Variants in GAP43 observed in about 807,000 individuals in gnomAD.
GAP43 encodes the protein growth associated protein 43.
In GAP43, 6 loss-of-function variants were observed where a neutral mutation model predicts 18.6. That is an observed-to-expected ratio of 0.32 (90% CI 0.18 to 0.64). GAP43 has a LOEUF of 0.64. Ranked by LOEUF, GAP43 falls within the 30% of genes least tolerant of loss-of-function variation. The pLI is 0.78. For synonymous variants in GAP43, 115 were observed against 111.4 expected (o/e 1.03, Z -0.20); for missense variants, 292 against 295.5 (o/e 0.99, Z 0.09).
chr3:115,648,642 G>T (rs139971882), intron 1 of GAP43, among the ~76,000 whole-genome samples: 7 of 152,182 alleles, frequency 4.6e-5, no homozygotes, highest in African/African-American at 1.4e-4. Context: ...GGAGGCAGAG[G>T]GTACAGGGGG....
chr3:115,696,630 C>G (rs896840077), intron 2 of GAP43, among the ~76,000 whole-genome samples: 18 of 131,282 alleles, frequency 1.4e-4, no homozygotes, highest in Non-Finnish European at 2.5e-4. Flanking sequence ...TTGCAACTTA[C>G]TGTTCCCTCT....
intron 2 of GAP43, among the ~76,000 whole-genome samples, chr3:115,700,845 A>G (rs1709289295): frequency 6.6e-6 from 1 of 152,152 alleles, no homozygotes; most frequent in Non-Finnish European, 1.5e-5. Context: ...ATTACACAGG[A>G]TGCCTCAGGG....
At chr3:115,702,046 A>G (rs920078555) in intron 2 of GAP43, among the ~76,000 whole-genome samples, 3 of 152,130 alleles carry the variant, frequency 2.0e-5, no homozygotes, top group Non-Finnish European at 4.4e-5. Context: ...TGTTAAGGCC[A>G]ATCTGGTTAC....
chr3:115,716,278 T>C (rs1381295988), intron 2 of GAP43, among the ~76,000 whole-genome samples: 2 of 152,198 alleles, frequency 1.3e-5, no homozygotes, highest in Non-Finnish European at 2.9e-5. Flanking sequence ...ATGTTCCCTC[T>C]GATATTCAGG....
intron 1 of GAP43, among the ~76,000 whole-genome samples, chr3:115,661,724 G>A (rs1166213961): frequency 6.6e-6 from 1 of 151,594 alleles, no homozygotes; most frequent in Admixed American, 6.6e-5. Flanking sequence ...TCCTGACCTC[G>A]TGATCCACCC....
intron 2 of GAP43, among the ~76,000 whole-genome samples, chr3:115,712,111 T>G (rs1709447764): frequency 6.6e-6 from 1 of 152,224 alleles, no homozygotes; most frequent in African/African-American, 2.4e-5. Flanking sequence ...AACTTGTACC[T>G]TCTTTGGCTT....
At chr3:115,654,721 G>A (rs1475728554) in intron 1 of GAP43, among the ~76,000 whole-genome samples, 1 of 152,268 alleles carries the variant, frequency 6.6e-6, no homozygotes, top group Admixed American at 6.5e-5. Context: ...CCCCTTCAGA[G>A]GGTCATGTTC....
intron 1 of GAP43, among the ~76,000 whole-genome samples, chr3:115,626,132 G>C (rs938045524): frequency 6.6e-6 from 1 of 152,192 alleles, no homozygotes; most frequent in Non-Finnish European, 1.5e-5. Context: ...TAAGTCTCAC[G>C]CAGGTTGCCT....
At chr3:115,713,028 A>G (rs1046381577) in intron 2 of GAP43, among the ~76,000 whole-genome samples, 1 of 152,230 alleles carries the variant, frequency 6.6e-6, no homozygotes, top group Non-Finnish European at 1.5e-5. Flanking sequence ...AATGTGAAAC[A>G]TGGTAATGAA....
chr3:115,717,414 A>G (rs1709522295), intron 2 of GAP43, among the ~76,000 whole-genome samples: 1 of 150,760 alleles, frequency 6.6e-6, no homozygotes, highest in African/African-American at 2.4e-5. Context: ...GGTTCAAGTG[A>G]TTTTCCTGCT....
intron 1 of GAP43, among the ~76,000 whole-genome samples, chr3:115,673,144 A>G (rs1215473748): frequency 6.6e-6 from 1 of 152,176 alleles, no homozygotes; most frequent in Non-Finnish European, 1.5e-5. Context: ...CTTTCTAAAA[A>G]GTCATTCTAA....
At chr3:115,668,048 T>C (rs1435940484) in intron 1 of GAP43, among the ~76,000 whole-genome samples, 1 of 152,222 alleles carries the variant, frequency 6.6e-6, no homozygotes, top group African/African-American at 2.4e-5. Flanking sequence ...TTTGCTCCCA[T>C]TGCTCAAGAG....
rs538919374 is a variant in GAP43, at chr3:115,668,598, A to G, written c.31-7415A>G. 2.0e-5 allele frequency among the ~76,000 whole-genome samples: 3 copies of G among 152,060 alleles called. 1 individual carries two copies. In the South Asian group the frequency reaches 6.3e-4, roughly 32 times the overall value. On this transcript the variant is annotated intron_variant, in intron 1 of 2. Transcript: ENST00000305124. ...TGCCACCACACCTGGCTAATTTTGT[A>G]TTTTTAGTAGAGACAGAGTTTCTCT...
At chr3:115,675,028 AT>A (rs1708862920) in intron 1 of GAP43, among the ~76,000 whole-genome samples, 1 of 152,176 alleles carries the variant, frequency 6.6e-6, no homozygotes, top group Non-Finnish European at 1.5e-5. Flanking sequence ...GAGCTCTTTA[AT>A]AAAAACCTGG....
At chr3:115,641,025 G>GTTTTTTTTTCTTTT (rs1708388189) in intron 1 of GAP43, among the ~76,000 whole-genome samples, 1 of 49,008 alleles carries the variant, frequency 2.0e-5, no homozygotes, top group Non-Finnish European at 4.5e-5. Context: ...GCTTTATTCT[G>GTTTTTTTTTCTTTT]TTTTTTTTTT....
At chr3:115,627,314 C>T (rs1193550890) in intron 1 of GAP43, among the ~76,000 whole-genome samples, 2 of 151,506 alleles carry the variant, frequency 1.3e-5, no homozygotes, top group Admixed American at 6.6e-5. Flanking sequence ...CTTCCCCACC[C>T]CCTCCCCTAC....
intron 1 of GAP43, among the ~76,000 whole-genome samples, chr3:115,674,879 T>C (rs917290140): frequency 6.6e-6 from 1 of 152,226 alleles, no homozygotes; most frequent in African/African-American, 2.4e-5. Flanking sequence ...ACTTTGACTA[T>C]ACTCTTTGTC....
At chr3:115,704,720 A>G (rs1709339482) in intron 2 of GAP43, among the ~76,000 whole-genome samples, 1 of 152,124 alleles carries the variant, frequency 6.6e-6, no homozygotes, top group Admixed American at 6.6e-5. Context: ...GTTAAAATCA[A>G]GCAGATTTTA....
At chr3:115,702,414 GA>G (rs1709307757) in intron 2 of GAP43, among the ~76,000 whole-genome samples, 1 of 151,836 alleles carries the variant, frequency 6.6e-6, no homozygotes, top group Admixed American at 6.6e-5. Flanking sequence ...TTAGGGGACA[GA>G]AAGAAAAAAA....
Sources: allele counts gnomAD v4.1 joint callset (sites outside exome capture counted in the v4.1 genomes callset), GRCh38; gene constraint gnomAD v4.1.1; transcripts MANE v1.5; gene names NCBI Gene and HGNC (gene_info 2026-07-23, HGNC 2026-07-21).